Variants in ZC3H12B observed in about 807,000 individuals in gnomAD.
The protein encoded by ZC3H12B is zinc finger CCCH-type containing 12B.
A neutral mutation model predicts 43.9 loss-of-function variants in ZC3H12B; 7 were observed. That is an observed-to-expected ratio of 0.16 (90% confidence interval 0.09 to 0.30). ZC3H12B has a LOEUF of 0.30. Ranked by LOEUF, ZC3H12B falls within the 10% of genes least tolerant of loss-of-function variation. The pLI is 1.00. For missense variants in ZC3H12B, 475 were observed against 670.2 expected (o/e 0.71, Z 3.22); for synonymous variants, 222 against 241.7 (o/e 0.92, Z 0.76).
At chrX:65,126,667 A>G in the ZC3H12B span, among the ~76,000 whole-genome samples, 1 of 99,372 alleles carries the variant, frequency 1.0e-5, no homozygotes, top group East Asian at 3.0e-4. Context: ...AAGCTTCCGG[A>G]GGTTTTGTTC....
the ZC3H12B span, among the ~76,000 whole-genome samples, chrX:65,256,366 GAAATCAATAATAAGA>G: frequency 5.8e-5 from 6 of 103,478 alleles, no homozygotes; most frequent in African/African-American, 2.6e-4. Context: ...AATAAAAATA[GAAATCAATAATAAGA>G]AAATCAATCA....
exon 5 of ZC3H12B, chrX:65,507,015 A>AT (rs1341855038): frequency 9.1e-6 from 1 of 110,360 alleles, no homozygotes; most frequent in Non-Finnish European, 1.9e-5. Context: ...TCTAAAATTC[A>AT]TTTTTTTCTA....
At chrX:65,173,681 A>G in the ZC3H12B span, among the ~76,000 whole-genome samples, 2 of 111,866 alleles carry the variant, frequency 1.8e-5, no homozygotes, top group Non-Finnish European at 3.8e-5. Context: ...TGAGATAATC[A>G]TGTGATTTTT....
chrX:65,279,141 C>T, the ZC3H12B span, among the ~76,000 whole-genome samples: 1,453 of 110,469 alleles, frequency 0.013, 23 homozygotes, highest in African/African-American at 0.046. Context: ...TATTCATCTG[C>T]ATATATACTC....
At chrX:65,331,855 G>A in the ZC3H12B span, among the ~76,000 whole-genome samples, 1 of 111,332 alleles carries the variant, frequency 9.0e-6, no homozygotes, top group Non-Finnish European at 1.9e-5. Context: ...TACAGCATTG[G>A]TGGAAGTGTC....
intron 3 of ZC3H12B, chrX:65,407,996 G>T (rs1276332486): frequency 9.5e-7 from 1 of 1,048,825 alleles, no homozygotes; most frequent in African/African-American, 1.9e-5. Flanking sequence ...TGGCTTTCCG[G>T]CTTAATTTTC....
the ZC3H12B span, among the ~76,000 whole-genome samples, chrX:65,236,282 T>C: frequency 8.9e-6 from 1 of 112,070 alleles, no homozygotes; most frequent in Non-Finnish European, 1.9e-5. Flanking sequence ...TTTCTCTGTT[T>C]CCTGTGGCTA....
the ZC3H12B span, among the ~76,000 whole-genome samples, chrX:65,279,427 C>A: frequency 3.2e-4 from 35 of 109,403 alleles, no homozygotes; most frequent in East Asian, 9.5e-3. Flanking sequence ...TTGTTGGCCA[C>A]ATGTATGTCT....
chrX:65,130,140 A>T, the ZC3H12B span, among the ~76,000 whole-genome samples: 5 of 111,238 alleles, frequency 4.5e-5, no homozygotes, highest in African/African-American at 1.6e-4. Context: ...CTCTTTTTTA[A>T]GTTGGAGGCT....
the ZC3H12B span, among the ~76,000 whole-genome samples, chrX:65,333,279 G>A: frequency 8.9e-6 from 1 of 111,963 alleles, no homozygotes; most frequent in Non-Finnish European, 1.9e-5. Context: ...TCAAAGCTTG[G>A]TAAAATAACC....
intron 3 of ZC3H12B, among the ~76,000 whole-genome samples, chrX:65,448,823 G>T (rs781234951): frequency 9.2e-4 from 80 of 86,520 alleles, no homozygotes; most frequent in African/African-American, 3.8e-3. Context: ...AAAAAAAGAA[G>T]AAAAAGAAAG....
chrX:65,365,917 C>T (rs1227086100), upstream of ZC3H12B, among the ~76,000 whole-genome samples: 2 of 109,973 alleles, frequency 1.8e-5, no homozygotes, highest in Admixed American at 2.0e-4. Context: ...CATTGACTCT[C>T]TTTTTGGACT....
the ZC3H12B span, among the ~76,000 whole-genome samples, chrX:65,162,246 T>C: frequency 9.0e-6 from 1 of 111,190 alleles, no homozygotes; most frequent in East Asian, 2.8e-4. Flanking sequence ...TTATGTGTCT[T>C]GGAGTTGCTC....
intron 3 of ZC3H12B, among the ~76,000 whole-genome samples, chrX:65,442,629 A>G (rs907306720): frequency 1.8e-5 from 2 of 112,011 alleles, no homozygotes; most frequent in African/African-American, 6.5e-5. Flanking sequence ...AATTGTAAGA[A>G]CTGAGCAGGA....
At chrX:65,279,892 C>G in the ZC3H12B span, among the ~76,000 whole-genome samples, 1 of 111,742 alleles carries the variant, frequency 8.9e-6, no homozygotes, top group African/African-American at 3.3e-5. Flanking sequence ...ACAAACAACC[C>G]CAATAAAAAG....
the ZC3H12B span, among the ~76,000 whole-genome samples, chrX:65,149,429 ATAGT>A: frequency 1.8e-5 from 2 of 111,722 alleles, no homozygotes; most frequent in Non-Finnish European, 3.8e-5. Flanking sequence ...TACATAGCAG[ATAGT>A]TATTTAACAT....
At chrX:65,078,828 A>T in the ZC3H12B span, among the ~76,000 whole-genome samples, 3 of 112,158 alleles carry the variant, frequency 2.7e-5, no homozygotes, top group Admixed American at 2.8e-4. Flanking sequence ...CATCATGGAA[A>T]ATAGGTCATC....
At chrX:65,386,225 C>G (rs1169894447) in intron 2 of ZC3H12B, among the ~76,000 whole-genome samples, 2 of 111,616 alleles carry the variant, frequency 1.8e-5, no homozygotes, top group African/African-American at 6.5e-5. Context: ...GGAATGGTAC[C>G]AGCTCCTCTT....
the ZC3H12B span, among the ~76,000 whole-genome samples, chrX:65,144,364 C>T: frequency 8.9e-6 from 1 of 112,045 alleles, no homozygotes; most frequent in African/African-American, 3.2e-5. Context: ...TTTCTCTCTT[C>T]TTTTCATGGT....
Sources: allele counts gnomAD v4.1 joint callset (sites outside exome capture counted in the v4.1 genomes callset), GRCh38; gene constraint gnomAD v4.1.1; transcripts MANE v1.5; gene names NCBI Gene and HGNC (gene_info 2026-07-23, HGNC 2026-07-21).